MAD1L1: variants seen among roughly 807,000 people sequenced by gnomAD.
The protein encoded by MAD1L1 is mitotic arrest deficient 1 like 1.
In MAD1L1, 95 loss-of-function variants were observed where a neutral mutation model predicts 96.9. The ratio of observed to expected loss-of-function variants is 0.98; its 90% CI spans 0.83 to 1.16. The LOEUF (loss-of-function observed/expected upper bound fraction) is 1.16. Among genes scored for constraint, MAD1L1 ranks in the 50% most tolerant of loss-of-function variants. The pLI is 0.00. For missense variants in MAD1L1, 1,007 were observed against 954.4 expected (o/e 1.06, Z -0.73); for synonymous variants, 473 against 396.6 (o/e 1.19, Z -2.29).
At chr7:2,045,487 C>T (rs1783880602) in intron 12 of MAD1L1, among the ~76,000 whole-genome samples, 1 of 152,222 alleles carries the variant, frequency 6.6e-6, no homozygotes, top group Admixed American at 6.5e-5. Flanking sequence ...CTGGCTTACA[C>T]AGAAATAAAT....
At chr7:1,999,968 T>C (rs1781719446) in intron 14 of MAD1L1, among the ~76,000 whole-genome samples, 2 of 152,172 alleles carry the variant, frequency 1.3e-5, no homozygotes, top group Non-Finnish European at 2.9e-5. Context: ...GATGCCAGGA[T>C]GCTGGAATGC....
Position 1,968,206 on chromosome 7 carries a change from C to T in MAD1L1, c.1506-10487G>A, listed in dbSNP as rs796570369. Reference sequence around the variant, plus strand: ...CCCGGCAGAGCACGCCTCAATCCGGCGGTCAGGTCCACCGTCGACGCCTCA... The same window carrying T: ...CCCGGCAGAGCACGCCTCAATCCGGTGGTCAGGTCCACCGTCGACGCCTCA... On this transcript the variant is annotated intron_variant, in intron 15 of 18. Transcript: ENST00000265854. This position sits in a 1 kb window ranked among gnomAD's most constrained non-coding sequence, Gnocchi z 5.6. Among the ~76,000 whole-genome samples, 27 of 152,278 alleles carry T rather than the reference C, an allele frequency of 1.8e-4. No individual in the cohort carries two copies. Among genetic ancestry groups the T allele is most frequent in the African/African-American group, 6.3e-4 (26 of 41,560 alleles).
At chr7:1,851,615 A>G (rs569790479) in intron 18 of MAD1L1, among the ~76,000 whole-genome samples, 40 of 152,238 alleles carry the variant, frequency 2.6e-4, no homozygotes, top group African/African-American at 8.9e-4. Flanking sequence ...CGGTCCCAAG[A>G]AGAAGAAAAC....
At chr7:2,020,120 A>G (rs1317858794) in intron 12 of MAD1L1, among the ~76,000 whole-genome samples, 2 of 152,234 alleles carry the variant, frequency 1.3e-5, no homozygotes, top group Non-Finnish European at 1.5e-5. Context: ...GGAGGGGCAG[A>G]GCCCCGGCTG....
intron 14 of MAD1L1, among the ~76,000 whole-genome samples, chr7:1,997,556 A>G (rs1195992326): frequency 6.6e-6 from 1 of 152,248 alleles, no homozygotes; most frequent in East Asian, 1.9e-4. Flanking sequence ...CCACCATAAA[A>G]TGAAAAGGGA....
chr7:1,854,403 T>C (rs1248631864), intron 18 of MAD1L1: 3 of 461,818 alleles, frequency 6.5e-6, no homozygotes, highest in Admixed American at 2.3e-5. Flanking sequence ...CGCTGCAGAC[T>C]AGGTGGCTCG....
chr7:2,112,957 G>A (rs773530846), intron 11 of MAD1L1, among the ~76,000 whole-genome samples: 3 of 152,180 alleles, frequency 2.0e-5, no homozygotes, highest in Non-Finnish European at 2.9e-5. Flanking sequence ...CTGAAATACC[G>A]TGAATGAACC....
At chr7:2,013,169 G>A (rs1368669499) in intron 13 of MAD1L1, among the ~76,000 whole-genome samples, 1 of 152,262 alleles carries the variant, frequency 6.6e-6, no homozygotes, top group Non-Finnish European at 1.5e-5. Context: ...CAGCAGCCCG[G>A]CTGGAAGGTG....
chr7:2,034,221 CTTTT>C (rs565833842), intron 12 of MAD1L1, among the ~76,000 whole-genome samples: 1 of 143,906 alleles, frequency 6.9e-6, no homozygotes, highest in Non-Finnish European at 1.5e-5. Flanking sequence ...AAAGAGTCTC[CTTTT>C]TTTTTTTTTT....
At chr7:2,123,276 G>C (rs1430989669) in intron 11 of MAD1L1, among the ~76,000 whole-genome samples, 1 of 143,518 alleles carries the variant, frequency 7.0e-6, no homozygotes, top group Non-Finnish European at 1.5e-5. Context: ...CTGCTCTCCA[G>C]CCTGGGCGAC....
At chr7:1,997,913 G>A (rs1271147611) in intron 14 of MAD1L1, among the ~76,000 whole-genome samples, 1 of 152,198 alleles carries the variant, frequency 6.6e-6, no homozygotes, top group Non-Finnish European at 1.5e-5. Flanking sequence ...ACAAAGGACG[G>A]GGCCAGGAAC....
chr7:2,204,542 C>T (rs569211033), intron 10 of MAD1L1, among the ~76,000 whole-genome samples: 2 of 152,338 alleles, frequency 1.3e-5, no homozygotes, highest in East Asian at 3.9e-4. Flanking sequence ...TTAAAAAGTT[C>T]AAATCAATGG....
At chr7:1,943,602 T>G (rs1348952714) in intron 16 of MAD1L1, among the ~76,000 whole-genome samples, 3 of 151,818 alleles carry the variant, frequency 2.0e-5, no homozygotes, top group African/African-American at 7.3e-5. Context: ...GGCTGGGAAG[T>G]CACGCAACAA....
intron 11 of MAD1L1, chr7:2,109,733 C>T (rs1304752959): frequency 6.6e-6 from 1 of 152,180 alleles, no homozygotes; most frequent in African/African-American, 2.4e-5. Flanking sequence ...AAACTCATGG[C>T]GAGTGTTGCA....
chr7:1,932,858 ACTTCT>A (rs1281728833), intron 17 of MAD1L1, among the ~76,000 whole-genome samples: 1 of 151,976 alleles, frequency 6.6e-6, no homozygotes, highest in African/African-American at 2.4e-5. Flanking sequence ...TAATGTTCTT[ACTTCT>A]CTTCTCCTGT....
intron 11 of MAD1L1, among the ~76,000 whole-genome samples, chr7:2,137,415 G>A (rs1481120834): frequency 6.6e-6 from 1 of 152,184 alleles, no homozygotes; most frequent in Non-Finnish European, 1.5e-5. Flanking sequence ...TTGGGGAGCT[G>A]AGGTCAGACA....
intron 17 of MAD1L1, among the ~76,000 whole-genome samples, chr7:1,929,067 T>G (rs2128459843): frequency 6.6e-6 from 1 of 152,170 alleles, no homozygotes; most frequent in East Asian, 1.9e-4. Flanking sequence ...AAACCAGGCC[T>G]CCCCTCGAGG....
intron 10 of MAD1L1, among the ~76,000 whole-genome samples, chr7:2,204,426 C>T (rs998625387): frequency 2.6e-5 from 4 of 152,190 alleles, no homozygotes; most frequent in Admixed American, 1.3e-4. Flanking sequence ...ACATCCATTA[C>T]GCCAAAGGGT....
At chr7:2,198,083 G>GTT (rs78102383) in intron 10 of MAD1L1, among the ~76,000 whole-genome samples, 47 of 134,202 alleles carry the variant, frequency 3.5e-4, no homozygotes, top group African/African-American at 1.0e-3. Flanking sequence ...ATGAGTTTGG[G>GTT]TTTTTTTTTT....
Sources: gnomAD v4.1 joint callset for allele counts (sites outside exome capture counted in the v4.1 genomes callset) on GRCh38, gnomAD v4.1.1 for gene constraint, Gnocchi (gnomAD v3.1) non-coding constraint, MANE v1.5 for transcripts, NCBI Gene and HGNC (gene_info 2026-07-23, HGNC 2026-07-21) for gene names.